The following MBOAT2 variants were observed in gnomAD, a reference collection of about 807,000 sequenced individuals.
MBOAT2 encodes membrane-bound glycerophospholipid O-acyltransferase 2.
In MBOAT2, 28 loss-of-function variants were observed where a neutral mutation model predicts 63.4. The observed-to-expected ratio is 0.44, with a 90% CI of 0.33 to 0.61. The LOEUF (loss-of-function observed/expected upper bound fraction) is 0.61, where lower values mean the gene tolerates loss of function less well. MBOAT2 is among the 20% of genes least tolerant of loss of function. The pLI, the probability that MBOAT2 is intolerant of heterozygous loss-of-function variation, is 0.03. For synonymous variants in MBOAT2, 211 were observed against 215.6 expected, an observed-to-expected ratio of 0.98 and a Z score of 0.19; for missense variants, 470 against 605.8, an observed-to-expected ratio of 0.78 and a Z score of 2.35.
intron 4 of MBOAT2, among the ~76,000 whole-genome samples, chr2:8,898,116 T>A (rs1044960689): frequency 6.6e-6 from 1 of 152,236 alleles, no homozygotes; most frequent in Admixed American, 6.5e-5. Flanking sequence ...CCCACGAGTC[T>A]GAGTAAGGAC....
At chr2:8,976,355 C>A (rs1670815611) in intron 1 of MBOAT2, among the ~76,000 whole-genome samples, 1 of 152,050 alleles carries the variant, frequency 6.6e-6, no homozygotes, top group African/African-American at 2.4e-5. Context: ...AATTTATTTA[C>A]ACTCTCCTAT....
Position 8,862,192 on chromosome 2 carries a change from G to A in MBOAT2, c.1185+398C>T. 2 of 797,498 alleles carry A rather than the reference G, an allele frequency of 2.5e-6. No individual in the cohort carries two copies. Among genetic ancestry groups the A allele is most frequent in the East Asian group, 6.6e-5 (1 of 15,130 alleles). The allele number at this position is 797,498 out of a possible 1,614,324, so 49.4% of individuals were successfully genotyped here. On this transcript the variant is annotated intron_variant, in intron 11 of 12. Transcript: ENST00000305997. This position sits in a 1 kb window ranked among gnomAD's most constrained non-coding sequence, Gnocchi z 4.3. ...CCAGTGTGGCTCATCCACTGTCTTG[G>A]CCTCGCACAGCCTAGTCTTCATCTG... is the stretch of plus-strand genomic sequence containing the variant.
intron 6 of MBOAT2, among the ~76,000 whole-genome samples, chr2:8,881,555 C>T (rs964398374): frequency 2.0e-5 from 3 of 152,010 alleles, no homozygotes; most frequent in African/African-American, 7.3e-5. Context: ...GATTTGCTCT[C>T]GATGTGAGAG....
At chr2:8,937,952 T>C (rs1667780472) in intron 3 of MBOAT2, among the ~76,000 whole-genome samples, 1 of 152,134 alleles carries the variant, frequency 6.6e-6, no homozygotes, top group Non-Finnish European at 1.5e-5. Context: ...CAAACAGTGC[T>C]ATGAGCATGC....
chr2:8,958,441 A>G lies in MBOAT2; in HGVS notation c.221+56T>C, dbSNP rs1040400301. ...CATAATGTATCTTTCCACACACTCA[A>G]TTCTCAAATACATCCAAATAGTCTT... On this transcript the variant is annotated intron_variant, in intron 2 of 12. Transcript: ENST00000305997. 2.0e-6 allele frequency: 3 copies of G among 1,467,166 alleles called. No individual in the cohort carries two copies. In the African/African-American group the frequency reaches 4.3e-5, roughly 21 times the overall value. The allele number at this position is 1,467,166 out of a possible 1,614,324, so 90.9% of individuals were successfully genotyped here.
chr2:8,963,175 T>A (rs571093229), intron 1 of MBOAT2, among the ~76,000 whole-genome samples: 2 of 151,242 alleles, frequency 1.3e-5, no homozygotes, highest in African/African-American at 4.9e-5. Flanking sequence ...GAGGTCAAGG[T>A]TGCAGTGAGC....
At chr2:8,998,882 A>G (rs1190027685) in intron 1 of MBOAT2, among the ~76,000 whole-genome samples, 3 of 152,212 alleles carry the variant, frequency 2.0e-5, no homozygotes, top group Non-Finnish European at 4.4e-5. Context: ...TTTTTTATTC[A>G]AATGGTAAAT....
At chr2:8,952,656 G>C (rs976741811) in intron 2 of MBOAT2, among the ~76,000 whole-genome samples, 1 of 151,912 alleles carries the variant, frequency 6.6e-6, no homozygotes, top group African/African-American at 2.4e-5. Context: ...CCCTTGAGAG[G>C]GAGGATTTTA....
intron 7 of MBOAT2, 96 bp from the exon 8 acceptor site, chr2:8,873,396 T>C (rs1662479354): frequency 8.0e-7 from 1 of 1,252,142 alleles, no homozygotes; most frequent in South Asian, 1.6e-5. Context: ...GAATGGATCA[T>C]CAGTCCTACA....
chr2:8,950,912 T>A (rs1668779700), intron 2 of MBOAT2, among the ~76,000 whole-genome samples: 1 of 152,210 alleles, frequency 6.6e-6, no homozygotes, highest in African/African-American at 2.4e-5. Flanking sequence ...TAGTTTTCAT[T>A]TTTAATTCTA....
chr2:8,868,042 G>A (rs938027395), intron 9 of MBOAT2, among the ~76,000 whole-genome samples: 1 of 152,144 alleles, frequency 6.6e-6, no homozygotes, highest in South Asian at 2.1e-4. Flanking sequence ...CTCCCAGGCT[G>A]CTCCCTCTAC....
intron 4 of MBOAT2, among the ~76,000 whole-genome samples, chr2:8,906,867 T>A (rs941697120): frequency 2.6e-5 from 4 of 152,234 alleles, no homozygotes; most frequent in African/African-American, 9.6e-5. Flanking sequence ...AAATATTTTT[T>A]AATGAAATAT....
chr2:8,861,264 T>C (rs2148506617), intron 11 of MBOAT2: 1 of 152,462 alleles, frequency 6.6e-6, no homozygotes, highest in South Asian at 2.1e-4. Flanking sequence ...CATGGTGTAT[T>C]TGGGGAATGA....
intron 4 of MBOAT2, among the ~76,000 whole-genome samples, chr2:8,906,901 G>A (rs1192687134): frequency 6.6e-6 from 1 of 152,154 alleles, no homozygotes; most frequent in Non-Finnish European, 1.5e-5. Context: ...ATACAAACTA[G>A]AGAAATACAG....
chr2:8,903,252 G>A (rs1019499471), intron 4 of MBOAT2, among the ~76,000 whole-genome samples: 2 of 152,136 alleles, frequency 1.3e-5, no homozygotes, highest in Non-Finnish European at 2.9e-5. Flanking sequence ...CACCTCTCAA[G>A]ATCACATGGT....
In MBOAT2 at chr2:8,853,861, A is replaced by G. The variant is rs1025143271; in HGVS notation, c.*4818T>C. ...AAACTGTGTATTTAGGCTGTGTTTC[A>G]CAAAATTTCCCAGTCAATGGCCTAT... On this transcript the variant is annotated 3_prime_UTR_variant, in exon 13 of 13. Coordinates refer to ENST00000305997, the MANE Select transcript of MBOAT2 (RefSeq NM_138799.4). 1 of 152,244 alleles carries G rather than the reference A, an allele frequency of 6.6e-6. No individual in the cohort carries two copies. Among genetic ancestry groups the G allele is most frequent in the Non-Finnish European group, 1.5e-5 (1 of 68,050 alleles). 9.4% of individuals were successfully genotyped at this position (152,244 alleles called of 1,614,324 possible).
intron 1 of MBOAT2, among the ~76,000 whole-genome samples, chr2:8,997,606 T>C (rs563820027): frequency 1.3e-5 from 2 of 152,250 alleles, no homozygotes; most frequent in South Asian, 4.1e-4. Context: ...TTCCAGAAAT[T>C]TGATAATTTG....
At chr2:8,982,886 C>A (rs1671298653) in intron 1 of MBOAT2, among the ~76,000 whole-genome samples, 1 of 152,194 alleles carries the variant, frequency 6.6e-6, no homozygotes, top group Admixed American at 6.5e-5. Context: ...TTTTCCATAA[C>A]CCCTCAGAGA....
In MBOAT2 at chr2:8,875,631, G is replaced by C. The variant is rs189824598; in HGVS notation, c.690+1399C>G. Among the ~76,000 whole-genome samples the C allele has an allele frequency of 7.9e-5, 12 of 152,322 alleles. No individual in the cohort carries two copies. In the East Asian group the frequency reaches 2.3e-3, roughly 29 times the overall value. ...AGCCAAACTGGTCACTGACAGTCCA[G>C]CATCTTGACTCCTAGGCTTTTATTC... On this transcript the variant is annotated intron_variant, in intron 7 of 12. Coordinates refer to ENST00000305997, the MANE Select transcript of MBOAT2 (RefSeq NM_138799.4).
Sources: allele counts gnomAD v4.1 joint callset (sites outside exome capture counted in the v4.1 genomes callset), GRCh38; gene constraint gnomAD v4.1.1; non-coding constraint Gnocchi (gnomAD v3.1); transcripts MANE v1.5; gene names NCBI Gene and HGNC (gene_info 2026-07-23, HGNC 2026-07-21).